Variants in ZNF384 observed in about 807,000 individuals in gnomAD.
The protein encoded by ZNF384 is CAG repeat protein 1.
Under a neutral mutation model 65.0 loss-of-function variants are expected in ZNF384, and 20 were observed. The observed-to-expected ratio is 0.31, with a 90% CI of 0.22 to 0.45. The LOEUF (loss-of-function observed/expected upper bound fraction) is 0.45. Ranked by LOEUF, ZNF384 falls within the 20% of genes least tolerant of loss-of-function variation. ZNF384 has a pLI of 1.00. For missense variants in ZNF384, 549 were observed against 769.4 expected, an observed-to-expected ratio of 0.71 and a Z score of 3.39; for synonymous variants, 310 against 303.9, an observed-to-expected ratio of 1.02 and a Z score of -0.21.
intron 7 of ZNF384, among the ~76,000 whole-genome samples, chr12:6,675,729 T>C (rs1487845712): frequency 2.0e-5 from 3 of 152,242 alleles, no homozygotes; most frequent in Non-Finnish European, 2.9e-5. Context: ...TTGATTATAA[T>C]AATTACAAGT....
intron 2 of ZNF384, among the ~76,000 whole-genome samples, chr12:6,684,112 AACT>A: frequency 6.6e-6 from 1 of 152,336 alleles, no homozygotes; most frequent in East Asian, 1.9e-4. Flanking sequence ...AGCACTTTAC[AACT>A]ACTACATCAT....
Position 6,666,655 on chromosome 12 carries a change from A to C in ZNF384, c.*1059T>G, listed in dbSNP as rs1174594764. Reference sequence around the variant, plus strand: ...GATTTAAAAAAAAAAAAAAAAGACAAAAAGAAAAATGCTGTGGCTAGAGGA... The same window carrying C: ...GATTTAAAAAAAAAAAAAAAAGACACAAAGAAAAATGCTGTGGCTAGAGGA... On this transcript the variant is annotated 3_prime_UTR_variant, in exon 12 of 12. Transcript: ENST00000683879. The C allele has an allele frequency of 5.9e-6, 1 of 168,330 alleles. No homozygotes were observed. Among genetic ancestry groups the C allele is most frequent in the Non-Finnish European group, 1.3e-5 (1 of 77,646 alleles). The allele number at this position is 168,330 out of a possible 1,614,324, so 10.4% of individuals were successfully genotyped here. A position where few individuals can be genotyped will look rare whatever the true frequency, so the allele number is the denominator to read the frequency against.
chr12:6,667,944 G>GC lies in ZNF384; in HGVS notation c.1596dup (p.Gln533AlafsTer46). On this transcript the variant is annotated frameshift_variant, in exon 12 of 12. Coordinates refer to ENST00000683879, the MANE Select transcript of ZNF384 (RefSeq NM_001385745.1). LOFTEE classifies it high-confidence loss of function. ...TGCTGCTGCTGCTGCTGCTGCTGCT[G>GC]CTGTGATGCCTGGGAGGCCTGGGCC... 1 of 1,610,686 alleles carries GC rather than the reference G, an allele frequency of 6.2e-7. No homozygotes were observed. The highest frequency in any genetic ancestry group is 8.5e-7 in the Non-Finnish European group (1 of 1,178,516).
rs558878662 is a variant in ZNF384 at position 6,673,290 on chromosome 12, T to C, written c.930A>G (p.Ser310=). 6.0e-5 allele frequency: 97 copies of C among 1,613,646 alleles called. 2 individuals carry two copies. The South Asian group carries it at 9.1e-4, about 15-fold the overall frequency. ...SYLAQHIRIH[S]GAKPYSCNFC... The stretch of plus-strand genomic sequence containing the variant: ...AGTTACAACTGTAGGGCTTAGCCCC[T>C]GAGTGTATACGGATGTGCTGGGCCA... Residue 310 remains serine, a synonymous_variant, in exon 8 of 12, where the codon TCA becomes TCG. Coordinates refer to ENST00000683879, the MANE Select transcript of ZNF384 (RefSeq NM_001385745.1). The surrounding 1 kb of genome is among the most constrained non-coding windows in gnomAD (Gnocchi z 4.7).
Position 6,673,509 on chromosome 12 carries a change from C to T in ZNF384, c.780-69G>A. 7.0e-7 allele frequency: 1 copy of T among 1,418,716 alleles called. No individual in the cohort carries two copies. Among genetic ancestry groups the T allele is most frequent in the Non-Finnish European group, 9.7e-7 (1 of 1,028,002 alleles). 87.9% of individuals were successfully genotyped at this position (1,418,716 alleles called of 1,614,324 possible). A position where few individuals can be genotyped will look rare whatever the true frequency, so the allele number is the denominator to read the frequency against. ...AGGTGTGGCTGAACCCTCCCCTCTA[C>T]TTCCAAGAGAAGCCCACCTATCTGA... is the stretch of plus-strand genomic sequence containing the variant. On this transcript the variant is annotated intron_variant, in intron 7 of 11. Transcript: ENST00000683879. The surrounding 1 kb of genome is among the most constrained non-coding windows in gnomAD (Gnocchi z 4.7).
chr12:6,686,013 T>C (rs1957791530), intron 2 of ZNF384, among the ~76,000 whole-genome samples: 1 of 152,172 alleles, frequency 6.6e-6, no homozygotes, highest in Admixed American at 6.5e-5. Context: ...TCCGTAATGC[T>C]ACCAACCATC....
rs895468062 is a variant in ZNF384 at position 6,678,207 on chromosome 12, T to C, written c.606A>G (p.Ser202=). The part of the protein sequence containing the change: ...RGRKKKRMLE[S]GLPEMNDPYV... Reference sequence around the variant, plus strand: ...AAGGGTCATTCATCTCGGGCAGCCCTGATTCCAGCATCCGCTTCTTCTTCC... The same window carrying C: ...AAGGGTCATTCATCTCGGGCAGCCCCGATTCCAGCATCCGCTTCTTCTTCC... The change falls in exon 6 of 12, where the codon TCA becomes TCG. Residue 202 remains serine, a synonymous_variant. Transcript: ENST00000683879. This position sits in a 1 kb window ranked among gnomAD's most constrained non-coding sequence, Gnocchi z 4.9. 6 of 1,614,074 alleles carry C rather than the reference T, an allele frequency of 3.7e-6. No individual in the cohort carries two copies. In the Admixed American group the frequency reaches 1.0e-4, roughly 27 times the overall value.
At chr12:6,682,684 G>C (rs372062014) in intron 2 of ZNF384, among the ~76,000 whole-genome samples, 2 of 152,120 alleles carry the variant, frequency 1.3e-5, no homozygotes, top group African/African-American at 2.4e-5. Context: ...GGAGTCTCAC[G>C]TTTTCAGGCA....
chr12:6,686,139 C>T (rs763799175), intron 2 of ZNF384, among the ~76,000 whole-genome samples: 1 of 152,162 alleles, frequency 6.6e-6, no homozygotes, highest in Non-Finnish European at 1.5e-5. Flanking sequence ...TCAAATAAAG[C>T]ATGATTTTCT....
rs1224130183 is a variant in ZNF384 at position 6,672,175 on chromosome 12, G to C, written c.1187+175C>G. 7.7e-6 allele frequency: 5 copies of C among 647,370 alleles called. No individual in the cohort carries two copies. In the East Asian group the frequency reaches 1.4e-4, roughly 18 times the overall value. 40.1% of individuals were successfully genotyped at this position (647,370 alleles called of 1,614,324 possible). A position where few individuals can be genotyped will look rare whatever the true frequency, so the allele number is the denominator to read the frequency against. ...AGCTCTTGCCCCAGAGAAGCTCTGT[G>C]TCCACTTGAATCTCCAGTGTTGTTT... is the stretch of plus-strand genomic sequence containing the variant. On this transcript the variant is annotated intron_variant, in intron 9 of 11. Coordinates refer to ENST00000683879, the MANE Select transcript of ZNF384 (RefSeq NM_001385745.1). The surrounding 1 kb of genome is among the most constrained non-coding windows in gnomAD (Gnocchi z 4.4).
rs989835674 is a variant in ZNF384, at chr12:6,672,275, G to A, written c.1187+75C>T. 1 of 1,489,392 alleles carries A rather than the reference G, an allele frequency of 6.7e-7. No homozygotes were observed. The highest frequency in any genetic ancestry group is 2.4e-5 in the East Asian group (1 of 41,978). The allele number at this position is 1,489,392 out of a possible 1,614,324, so 92.3% of individuals were successfully genotyped here. A position where few individuals can be genotyped will look rare whatever the true frequency, so the allele number is the denominator to read the frequency against. On this transcript the variant is annotated intron_variant, in intron 9 of 11. Transcript: ENST00000683879. This position sits in a 1 kb window ranked among gnomAD's most constrained non-coding sequence, Gnocchi z 4.4. The stretch of plus-strand genomic sequence containing the variant: ...CTCCCCCGCCCCCCGCATGCGGGTT[G>A]TTGTGTGTGTCCGGGGCGGGGGTGG...
Position 6,667,306 on chromosome 12 carries a change from T to C in ZNF384, c.*408A>G. ...GAGGCTGGTTGCATTTGGGGCTCCC[T>C]TTTCTCTGTTATCTGGGAGGGCCAG... On this transcript the variant is annotated 3_prime_UTR_variant, in exon 12 of 12. Transcript: ENST00000683879. 1 of 369,982 alleles carries C rather than the reference T, an allele frequency of 2.7e-6. No homozygotes were observed. Among genetic ancestry groups the C allele is most frequent in the Non-Finnish European group, 5.1e-6 (1 of 196,290 alleles). 22.9% of individuals were successfully genotyped at this position (369,982 alleles called of 1,614,324 possible).
rs1959109570 is a variant in ZNF384, at chr12:6,689,226, A to C, written c.-194T>G. 6.5e-6 allele frequency: 1 copy of C among 152,840 alleles called. No individual in the cohort carries two copies. 9.5% of individuals were successfully genotyped at this position (152,840 alleles called of 1,614,324 possible). ...GGGGCGAGGGAGGGGAAAAAGCGCA[A>C]GGCGCAGCGCGCGGGCACGCACTTC... On this transcript the variant is annotated 5_prime_UTR_variant, in exon 1 of 12. Transcript: ENST00000683879.
chr12:6,676,783 G>A (rs779165941), intron 7 of ZNF384, among the ~76,000 whole-genome samples: 4 of 152,048 alleles, frequency 2.6e-5, no homozygotes, highest in Admixed American at 1.3e-4. Context: ...AACTTGTCAG[G>A]TACCTTTATA....
intron 7 of ZNF384, 49 bp downstream of exon 7, chr12:6,677,118 C>T (rs763096913): frequency 8.1e-6 from 4 of 496,682 alleles, no homozygotes; most frequent in South Asian, 6.5e-5. Context: ...GAATTATCCC[C>T]ATTTTACAGA....
In ZNF384 at chr12:6,679,351, G is replaced by C. The variant is rs1954985935; in HGVS notation, c.66+104C>G. On this transcript the variant is annotated intron_variant, in intron 3 of 11. Coordinates refer to ENST00000683879, the MANE Select transcript of ZNF384 (RefSeq NM_001385745.1). ...AGGCAGAAACACTAGATAATTCTCA[G>C]GGGTGGGGGACCCAGTAAAACAGCA... is the stretch of plus-strand genomic sequence containing the variant. 3 of 1,278,838 alleles carry C rather than the reference G, an allele frequency of 2.3e-6. No homozygotes were observed. The African/African-American group carries it at 4.5e-5, about 19-fold the overall frequency. The allele number at this position is 1,278,838 out of a possible 1,614,324, so 79.2% of individuals were successfully genotyped here. A position where few individuals can be genotyped will look rare whatever the true frequency, so the allele number is the denominator to read the frequency against.
rs746939979 is a variant in ZNF384, at chr12:6,667,781, T to C, written c.1760A>G (p.His587Arg). Residue 587 changes from histidine (H) to arginine (R), a missense_variant, in exon 12 of 12, where the codon CAT becomes CGT. By Grantham distance (29) the His-to-Arg change is conservative (BLOSUM62 0). Around this residue, in one of 5 missense-constraint regions of ZNF384, gnomAD observed 136 missense variants for 183.0 expected, o/e 0.74. Transcript: ENST00000683879. ...FDLTPYKTAE[H>R]HKDICLTVTT... ...GACAGTGAGGCAGATGTCCTTATGA[T>C]GCTCCGCCGTCTTATACGGGGTCAG... 8 of 1,614,208 alleles carry C rather than the reference T, an allele frequency of 5.0e-6. No homozygotes were observed. The highest frequency in any genetic ancestry group is 3.4e-6 in the Non-Finnish European group (4 of 1,180,030).
chr12:6,674,464 A>T lies in ZNF384; in HGVS notation c.780-1024T>A, dbSNP rs149783457. On this transcript the variant is annotated intron_variant, in intron 7 of 11. Transcript: ENST00000683879. The stretch of plus-strand genomic sequence containing the variant: ...ATGGCCTGGAAGCCAGGCAATTAGC[A>T]CAAGTCCCTCTTCTTTGGGTTCTCC... Among the ~76,000 whole-genome samples, 19 of 152,376 alleles carry T rather than the reference A, an allele frequency of 1.2e-4. No homozygotes were observed. In the East Asian group the frequency reaches 3.7e-3, roughly 29 times the overall value.
chr12:6,680,793 A>T (rs192443599), intron 2 of ZNF384, among the ~76,000 whole-genome samples: 1 of 152,312 alleles, frequency 6.6e-6, no homozygotes, highest in Non-Finnish European at 1.5e-5. Flanking sequence ...AGTGAGAATC[A>T]AAGCACTTCT....
Sources: gnomAD v4.1 joint callset for allele counts (sites outside exome capture counted in the v4.1 genomes callset) on GRCh38, gnomAD v4.1.1 for gene constraint, gnomAD v4.1.1 regional missense constraint, Gnocchi (gnomAD v3.1) non-coding constraint, MANE v1.5 for transcripts, NCBI Gene and HGNC (gene_info 2026-07-23, HGNC 2026-07-21) for gene names.